LRRTM4: variants seen among roughly 807,000 people sequenced by gnomAD.
LRRTM4 encodes the protein leucine rich repeat transmembrane neuronal 4.
A neutral mutation model predicts 47.6 loss-of-function variants in LRRTM4; 25 were observed. The observed-to-expected ratio is 0.53, with a 90% CI of 0.38 to 0.73. LRRTM4 has a LOEUF of 0.73. Ranked by LOEUF, LRRTM4 falls within the 30% of genes least tolerant of loss-of-function variation. LRRTM4 has a pLI of 0.00. For missense variants in LRRTM4, 638 were observed against 713.4 expected (o/e 0.89, Z 1.20); for synonymous variants, 311 against 269.5 (o/e 1.15, Z -1.51).
intron 3 of LRRTM4, among the ~76,000 whole-genome samples, chr2:77,352,787 A>G (rs1346143749): frequency 3.3e-5 from 5 of 152,088 alleles, no homozygotes; most frequent in Non-Finnish European, 7.4e-5. Flanking sequence ...AAGCTATTAT[A>G]AATGCCTTTT....
chr2:77,046,654 C>T (rs562527880), intron 3 of LRRTM4, among the ~76,000 whole-genome samples: 2 of 152,028 alleles, frequency 1.3e-5, no homozygotes, highest in African/African-American at 2.4e-5. Context: ...GCAATTGCCT[C>T]ATTCACACTA....
intron 3 of LRRTM4, among the ~76,000 whole-genome samples, chr2:76,917,571 C>T (rs967532603): frequency 2.0e-5 from 3 of 152,100 alleles, no homozygotes; most frequent in African/African-American, 4.8e-5. Flanking sequence ...CTCATCCCTG[C>T]AAGGTCACCG....
intron 3 of LRRTM4, among the ~76,000 whole-genome samples, chr2:76,893,927 A>G (rs1673329995): frequency 6.6e-6 from 1 of 151,916 alleles, no homozygotes; most frequent in East Asian, 1.9e-4. Context: ...TTCATAGCAT[A>G]CAAGTTTTTC....
At chr2:77,315,003 C>T (rs1468595943) in intron 3 of LRRTM4, among the ~76,000 whole-genome samples, 2 of 152,100 alleles carry the variant, frequency 1.3e-5, no homozygotes, top group Non-Finnish European at 2.9e-5. Context: ...TTAAGGTAGG[C>T]TAGGCTAAGC....
intron 3 of LRRTM4, among the ~76,000 whole-genome samples, chr2:76,903,735 A>T (rs1212002394): frequency 6.6e-6 from 1 of 152,220 alleles, no homozygotes; most frequent in Non-Finnish European, 1.5e-5. Context: ...CACTTTTATT[A>T]CAAACAAATC....
At chr2:77,133,570 A>G (rs1176933121) in intron 3 of LRRTM4, among the ~76,000 whole-genome samples, 1 of 151,680 alleles carries the variant, frequency 6.6e-6, no homozygotes, top group Non-Finnish European at 1.5e-5. Flanking sequence ...ATCCACTACT[A>G]GGTTAATGAT....
chr2:76,874,536 T>A lies in LRRTM4; in HGVS notation c.1552-125620A>T, dbSNP rs933971878. Among the ~76,000 whole-genome samples, 54 of 152,186 alleles carry A rather than the reference T, an allele frequency of 3.5e-4. 1 individual carries two copies. The highest frequency in any genetic ancestry group is 1.3e-3 in the African/African-American group (53 of 41,504). The stretch of plus-strand genomic sequence containing the variant: ...AAATTATGAGTATATTTTATGCTGA[T>A]TAAATATTGAAAATATAATTTTGAA... On this transcript the variant is annotated intron_variant, in intron 3 of 3. Transcript: ENST00000409884.
intron 3 of LRRTM4, among the ~76,000 whole-genome samples, chr2:77,166,777 C>G (rs1672898541): frequency 6.6e-6 from 1 of 152,098 alleles, no homozygotes; most frequent in African/African-American, 2.4e-5. Flanking sequence ...AACTGGATCC[C>G]TTCCTTACAC....
At chr2:77,207,347 G>GTATATATATATATATATATATATATATA (rs200933978) in intron 3 of LRRTM4, among the ~76,000 whole-genome samples, 1 of 83,396 alleles carries the variant, frequency 1.2e-5, no homozygotes, top group African/African-American at 4.3e-5. Flanking sequence ...TTTCATATAT[G>GTATATATATATATATATATATATATATA]TGTATATATA....
At chr2:76,979,575 T>TATAG (rs1558775242) in intron 3 of LRRTM4, among the ~76,000 whole-genome samples, 2 of 142,836 alleles carry the variant, frequency 1.4e-5, no homozygotes, top group African/African-American at 5.5e-5. Flanking sequence ...TATATATATA[T>TATAG]AGAGAGAGGA....
At chr2:77,284,758 G>A (rs1676603286) in intron 3 of LRRTM4, among the ~76,000 whole-genome samples, 1 of 152,068 alleles carries the variant, frequency 6.6e-6, no homozygotes, top group Admixed American at 6.6e-5. Flanking sequence ...TTACTGTAGT[G>A]AGGAAGAGGC....
At chr2:77,084,778 C>G (rs1173403527) in intron 3 of LRRTM4, among the ~76,000 whole-genome samples, 1 of 152,120 alleles carries the variant, frequency 6.6e-6, no homozygotes, top group East Asian at 1.9e-4. Context: ...AGACTGTACA[C>G]AGGGCTCTGC....
At chr2:77,122,374 C>T (rs1671541054) in intron 3 of LRRTM4, among the ~76,000 whole-genome samples, 1 of 151,140 alleles carries the variant, frequency 6.6e-6, no homozygotes, top group African/African-American at 2.4e-5. Context: ...AATTATCTTA[C>T]TTCAAGAAAA....
At chr2:76,841,777 A>T (rs1412220482) in intron 3 of LRRTM4, among the ~76,000 whole-genome samples, 1 of 152,088 alleles carries the variant, frequency 6.6e-6, no homozygotes, top group Non-Finnish European at 1.5e-5. Context: ...AGAAGGCAAA[A>T]TAAATAACCA....
At chr2:76,905,611 C>T (rs113590367) in intron 3 of LRRTM4, among the ~76,000 whole-genome samples, 19,329 of 145,076 alleles carry the variant, frequency 0.13, 1,674 homozygotes, top group Admixed American at 0.2. Context: ...AAAATTTAGA[C>T]GAATGTATAA....
At chr2:76,812,374 GCTCT>G (rs1290097945) in intron 3 of LRRTM4, among the ~76,000 whole-genome samples, 3 of 152,174 alleles carry the variant, frequency 2.0e-5, no homozygotes, top group East Asian at 1.9e-4. Flanking sequence ...CCAATGAAAT[GCTCT>G]CTGAGAAGGA....
At chr2:76,920,029 T>C (rs1276052397) in intron 3 of LRRTM4, among the ~76,000 whole-genome samples, 1 of 152,146 alleles carries the variant, frequency 6.6e-6, no homozygotes. Flanking sequence ...TGATAAACTT[T>C]CAATAAATGT....
chr2:77,072,961 C>G (rs181740847), intron 3 of LRRTM4, among the ~76,000 whole-genome samples: 17 of 152,190 alleles, frequency 1.1e-4, no homozygotes, highest in African/African-American at 4.1e-4. Context: ...TATTCTTAAG[C>G]ACACTATATA....
chr2:77,125,422 G>A (rs1252078302), intron 3 of LRRTM4, among the ~76,000 whole-genome samples: 1 of 152,178 alleles, frequency 6.6e-6, no homozygotes, highest in African/African-American at 2.4e-5. Context: ...ATTGGAGTGT[G>A]TGAAGACTGG....
Sources: allele counts gnomAD v4.1 joint callset (sites outside exome capture counted in the v4.1 genomes callset), GRCh38; gene constraint gnomAD v4.1.1; transcripts MANE v1.5; gene names NCBI Gene and HGNC (gene_info 2026-07-23, HGNC 2026-07-21).